The following ACTR5 variants were observed in gnomAD, a reference collection of about 807,000 sequenced individuals.
ACTR5 encodes actin related protein 5.
A neutral mutation model predicts 61.2 loss-of-function variants in ACTR5; 43 were observed. That is an observed-to-expected ratio of 0.70 (90% CI 0.55 to 0.91). ACTR5 has a LOEUF of 0.91. Among genes scored for constraint, ACTR5 ranks in the 40% least tolerant of loss-of-function variants. ACTR5 has a pLI of 0.00. For missense variants in ACTR5, 798 were observed against 782.2 expected (o/e 1.02, Z -0.24); for synonymous variants, 333 against 310.5 (o/e 1.07, Z -0.76).
chr20:38,771,436 G>T, intron 8 of ACTR5, 123 bp from the exon 9 acceptor site: 1 of 1,317,658 alleles, frequency 7.6e-7, no homozygotes, highest in Non-Finnish European at 1.0e-6. Context: ...CTGTCTTGGA[G>T]TGCACTGGGC....
At chr20:38,748,931 G>A (rs1252318405) in intron 1 of ACTR5, 78 bp downstream of exon 1, 5 of 1,504,686 alleles carry the variant, frequency 3.3e-6, no homozygotes, top group Non-Finnish European at 4.4e-6. Flanking sequence ...TCTGCTCTCG[G>A]AGAGGTAACA....
At chr20:38,754,578 G>A (rs1341547559) in intron 3 of ACTR5, among the ~76,000 whole-genome samples, 1 of 151,936 alleles carries the variant, frequency 6.6e-6, no homozygotes, top group Non-Finnish European at 1.5e-5. Context: ...AATTAGCCGG[G>A]CATGGTGGCA....
At chr20:38,762,718 A>G (rs1194236483) in intron 5 of ACTR5, among the ~76,000 whole-genome samples, 2 of 152,180 alleles carry the variant, frequency 1.3e-5, no homozygotes, top group African/African-American at 2.4e-5. Flanking sequence ...GGGCATGTGA[A>G]TCCACAGGAA....
intron 8 of ACTR5, 102 bp downstream of exon 8, chr20:38,767,698 G>A (rs1031725450): frequency 3.1e-5 from 42 of 1,363,800 alleles, no homozygotes; most frequent in Admixed American, 9.4e-5. Context: ...TAACATTTTT[G>A]TGGCTTTTCT....
chr20:38,756,068 C>T (rs991011901), intron 5 of ACTR5, 29 bp downstream of exon 5: 15 of 1,588,398 alleles, frequency 9.4e-6, no homozygotes, highest in African/African-American at 2.7e-5. Context: ...AGGAGCAGCC[C>T]TTCTTGAGGG....
At position 38,748,656 on chromosome 20, in the gene ACTR5, C is replaced by A; in HGVS notation, c.178C>A (p.Gln60Lys). The A allele has an allele frequency of 6.6e-7, 1 of 1,514,668 alleles. No homozygotes were observed. The highest frequency in any genetic ancestry group is 1.5e-5 in the African/African-American group (1 of 68,942). The allele number at this position is 1,514,668 out of a possible 1,614,324, so 93.8% of individuals were successfully genotyped here. Residue 60 changes from glutamine (Q) to lysine (K), a missense_variant, in exon 1 of 9, where the codon CAG becomes AAG. By Grantham distance (53) the Gln-to-Lys change is moderately conservative. Transcript: ENST00000243903. ...GGACCCAGGTCCCGAGCCGCGCCTG[C>A]AGTTCCGCGCGGTGTGCGCCCGCGG... The part of the protein sequence containing the change: ...GQDPGPEPRL[Q>K]FRAVCARGRG...
At position 38,771,481 on chromosome 20, in the gene ACTR5, G is replaced by A. The variant is rs186431885; in HGVS notation, c.1567-78G>A. 2,340 of 1,546,182 alleles carry A rather than the reference G, an allele frequency of 1.5e-3. 4 individuals carry two copies. Among genetic ancestry groups the A allele is most frequent in the African/African-American group, 5.3e-3 (387 of 73,134 alleles). On this transcript the variant is annotated intron_variant, in intron 8 of 8. Coordinates refer to ENST00000243903, the MANE Select transcript of ACTR5 (RefSeq NM_024855.4). The stretch of plus-strand genomic sequence containing the variant: ...TGTATATTTCTGGGGATAAAATATC[G>A]GGGGCTGTAGCTGAGCCAGGTCAAC...
At chr20:38,770,252 T>A (rs1319562446) in intron 8 of ACTR5, among the ~76,000 whole-genome samples, 1 of 152,210 alleles carries the variant, frequency 6.6e-6, no homozygotes, top group Non-Finnish European at 1.5e-5. Flanking sequence ...CCCTCCGTGA[T>A]CATTAGAAGG....
In ACTR5 at chr20:38,769,916, C is replaced by T. The variant is rs928259496; in HGVS notation, c.1567-1643C>T. On this transcript the variant is annotated intron_variant, in intron 8 of 8. Transcript: ENST00000243903. ...GGGGCATGAGCATGGGGCTGGGTCA[C>T]GCTGGCAGCGGCGACTTAGGATGAA... Among the ~76,000 whole-genome samples, 67 of 152,174 alleles carry T rather than the reference C, an allele frequency of 4.4e-4. 2 individuals are homozygous for T. The highest frequency in any genetic ancestry group is 1.5e-3 in the African/African-American group (61 of 41,492).
intron 2 of ACTR5, among the ~76,000 whole-genome samples, chr20:38,751,403 T>C (rs1329393234): frequency 6.6e-6 from 1 of 152,208 alleles, no homozygotes; most frequent in Non-Finnish European, 1.5e-5. Flanking sequence ...TACCAAATGC[T>C]CCTGATGTAT....
chr20:38,769,194 C>T (rs2084505697), intron 8 of ACTR5, among the ~76,000 whole-genome samples: 1 of 152,188 alleles, frequency 6.6e-6, no homozygotes, highest in Non-Finnish European at 1.5e-5. Flanking sequence ...TACTCTTTCT[C>T]CTCATCCAGC....
In ACTR5 at chr20:38,748,556, C is replaced by G. The variant is rs538389472; in HGVS notation, c.78C>G (p.His26Gln). The G allele has an allele frequency of 4.6e-6, 7 of 1,512,734 alleles. No individual in the cohort carries two copies. Among genetic ancestry groups the G allele is most frequent in the South Asian group, 1.2e-5 (1 of 80,732 alleles). The allele number at this position is 1,512,734 out of a possible 1,614,324, so 93.7% of individuals were successfully genotyped here. ...DPVLEAGPVA[H>Q]GPLPVPLVLD... Reference sequence around the variant, plus strand: ...TGCTGGAGGCCGGCCCGGTGGCACACGGGCCACTGCCGGTACCGCTGGTGC... The same window carrying G: ...TGCTGGAGGCCGGCCCGGTGGCACAGGGGCCACTGCCGGTACCGCTGGTGC... The change falls in exon 1 of 9, where the codon CAC becomes CAG. Residue 26 changes from histidine (H) to glutamine (Q), a missense_variant. Physicochemically the swap from His to Gln is conservative, Grantham distance 24. Transcript: ENST00000243903.
chr20:38,755,303 C>A, intron 4 of ACTR5, 129 bp downstream of exon 4: 2 of 928,410 alleles, frequency 2.2e-6, no homozygotes, highest in Non-Finnish European at 3.2e-6. Context: ...ACGAAGGAGT[C>A]CAGGGGGATC....
intron 8 of ACTR5, among the ~76,000 whole-genome samples, chr20:38,769,221 T>G (rs1251167666): frequency 6.6e-6 from 1 of 152,208 alleles, no homozygotes; most frequent in Admixed American, 6.5e-5. Context: ...AGTGGCTGGT[T>G]TCCTGGAAAT....
rs768522307 is a variant in ACTR5 at position 38,750,165 on chromosome 20, G to A, written c.531G>A (p.Lys177=). 6 of 1,614,086 alleles carry A rather than the reference G, an allele frequency of 3.7e-6. No individual in the cohort carries two copies. Among genetic ancestry groups the A allele is most frequent in the South Asian group, 1.1e-5 (1 of 91,094 alleles). ...TCAGCTTCTACCACAATAAGCCAAA[G>A]AACTCGATGTGCAGTGGGCTAATCA... ...SLFSFYHNKP[K]NSMCSGLIIS... is the part of the protein sequence containing the mutation. The change falls in exon 2 of 9, where the codon AAG becomes AAA. Residue 177 remains lysine, a synonymous_variant. Coordinates refer to ENST00000243903, the MANE Select transcript of ACTR5 (RefSeq NM_024855.4).
rs1420378129 is a variant in ACTR5, at chr20:38,766,155, A to G, written c.1294-83A>G. 1.7e-5 allele frequency: 25 copies of G among 1,494,368 alleles called. No homozygotes were observed. The Admixed American group carries it at 5.1e-4, about 30-fold the overall frequency. 92.6% of individuals were successfully genotyped at this position (1,494,368 alleles called of 1,614,324 possible). ...ACAAGGGACAGAAACTATTGGGATTAAGAAACGCAGTTTGAGGAAACTAGC... is the reference window on the plus strand; with the variant it reads ...ACAAGGGACAGAAACTATTGGGATTGAGAAACGCAGTTTGAGGAAACTAGC... On this transcript the variant is annotated intron_variant, in intron 6 of 8. Transcript: ENST00000243903.
chr20:38,755,574 C>T (rs1454766632), intron 4 of ACTR5, among the ~76,000 whole-genome samples: 1 of 151,730 alleles, frequency 6.6e-6, no homozygotes, highest in Non-Finnish European at 1.5e-5. Context: ...GTAACTTTCC[C>T]ACCTTCCTTC....
chr20:38,753,296 C>T (rs780769842), intron 3 of ACTR5, among the ~76,000 whole-genome samples: 3 of 152,076 alleles, frequency 2.0e-5, no homozygotes, highest in South Asian at 2.1e-4. Flanking sequence ...TGAACTCTTC[C>T]GTATCCTGAT....
Position 38,748,556 on chromosome 20 carries a change from C to CGGGT in ACTR5, c.81_82insTGGG (p.Pro28TrpfsTer103). The CGGGT allele has an allele frequency of 6.6e-7, 1 of 1,512,734 alleles. No homozygotes were observed. Among genetic ancestry groups the CGGGT allele is most frequent in the South Asian group, 1.2e-5 (1 of 80,732 alleles). 93.7% of individuals were successfully genotyped at this position (1,512,734 alleles called of 1,614,324 possible). A position where few individuals can be genotyped will look rare whatever the true frequency, so the allele number is the denominator to read the frequency against. On this transcript the variant is annotated frameshift_variant, in exon 1 of 9. Coordinates refer to ENST00000243903, the MANE Select transcript of ACTR5 (RefSeq NM_024855.4). LOFTEE classifies it high-confidence loss of function. ...TGCTGGAGGCCGGCCCGGTGGCACA[C>CGGGT]GGGCCACTGCCGGTACCGCTGGTGC...
Sources: allele counts gnomAD v4.1 joint callset (sites outside exome capture counted in the v4.1 genomes callset), GRCh38; gene constraint gnomAD v4.1.1; transcripts MANE v1.5; gene names NCBI Gene and HGNC (gene_info 2026-07-23, HGNC 2026-07-21).